RASAL2: variants seen among roughly 807,000 people sequenced by gnomAD.
RASAL2 encodes the protein RAS protein activator like 2, also known as ras GTPase-activating protein nGAP.
RASAL2 carries 58 observed loss-of-function variants against 128.9 expected under a neutral mutation model. The observed-to-expected ratio is 0.45, with a 90% CI of 0.36 to 0.56. The LOEUF (loss-of-function observed/expected upper bound fraction) is 0.56. Ranked by LOEUF, RASAL2 falls within the 20% of genes least tolerant of loss-of-function variation. RASAL2 has a pLI of 0.00. For missense variants in RASAL2, 1,360 were observed against 1,601.6 expected (o/e 0.85, Z 2.57); for synonymous variants, 561 against 580.8 (o/e 0.97, Z 0.49).
chr1:178,429,298 A>G (rs1675731836), intron 5 of RASAL2, among the ~76,000 whole-genome samples: 1 of 152,116 alleles, frequency 6.6e-6, no homozygotes, highest in South Asian at 2.1e-4. Flanking sequence ...ACCAACAGTT[A>G]GTTGGTCATT....
chr1:178,203,031 C>T (rs1662926508), intron 1 of RASAL2, among the ~76,000 whole-genome samples: 1 of 152,164 alleles, frequency 6.6e-6, no homozygotes, highest in East Asian at 1.9e-4. Flanking sequence ...GGGTGATCAG[C>T]CAGCTAGTTG....
chr1:178,147,359 G>A (rs1660766247), intron 1 of RASAL2, among the ~76,000 whole-genome samples: 1 of 151,686 alleles, frequency 6.6e-6, no homozygotes, highest in Non-Finnish European at 1.5e-5. Context: ...GCGTGGTAGT[G>A]TGTGCCTGTA....
chr1:178,413,914 G>A (rs1674578940), intron 4 of RASAL2, among the ~76,000 whole-genome samples: 1 of 152,038 alleles, frequency 6.6e-6, no homozygotes, highest in East Asian at 1.9e-4. Context: ...CACAATTGAG[G>A]AAAGAATTTC....
intron 1 of RASAL2, among the ~76,000 whole-genome samples, chr1:178,104,341 C>T (rs1056458310): frequency 6.6e-5 from 10 of 152,090 alleles, no homozygotes; most frequent in Non-Finnish European, 1.5e-4. Context: ...TGTTTATATT[C>T]ATGTGCCAGT....
intron 1 of RASAL2, among the ~76,000 whole-genome samples, chr1:178,127,762 A>G (rs1316338453): frequency 6.6e-6 from 1 of 152,092 alleles, no homozygotes; most frequent in Non-Finnish European, 1.5e-5. Flanking sequence ...ATGTGCTCCC[A>G]TAGCCTATAC....
chr1:178,443,440 C>G (rs1364470883), intron 8 of RASAL2, among the ~76,000 whole-genome samples: 2 of 152,088 alleles, frequency 1.3e-5, no homozygotes, highest in Non-Finnish European at 2.9e-5. Context: ...TATTTAAAGC[C>G]AATTTGCATG....
chr1:178,423,020 GA>G (rs1325002022), intron 5 of RASAL2, among the ~76,000 whole-genome samples: 4 of 151,906 alleles, frequency 2.6e-5, no homozygotes, highest in Non-Finnish European at 5.9e-5. Context: ...TACATAAAGG[GA>G]ACCCAAGTAT....
Position 178,404,445 on chromosome 1 carries a change from A to G in RASAL2, c.564+14239A>G, listed in dbSNP as rs536117377. ...CGCCAGGCTAGAGCGTAGTGGTGCC[A>G]TCTCTGCTCACTGCAACTTCTGCCT... On this transcript the variant is annotated intron_variant, in intron 4 of 17. Transcript: ENST00000367649. Among the ~76,000 whole-genome samples the G allele has an allele frequency of 5.2e-3, 797 of 152,044 alleles. 6 individuals are homozygous for G. The highest frequency in any genetic ancestry group is 7.9e-3 in the Non-Finnish European group (535 of 67,988).
At chr1:178,284,264 A>G (rs781403314) in intron 2 of RASAL2, among the ~76,000 whole-genome samples, 8 of 152,218 alleles carry the variant, frequency 5.3e-5, no homozygotes, top group Non-Finnish European at 1.0e-4. Flanking sequence ...TATGCACAAA[A>G]GAACACAGTC....
intron 3 of RASAL2, among the ~76,000 whole-genome samples, chr1:178,320,168 C>A (rs1466428128): frequency 2.6e-5 from 4 of 151,576 alleles, no homozygotes; most frequent in Non-Finnish European, 4.4e-5. Context: ...TCTCCAGCTG[C>A]GTGCTGGGAG....
chr1:178,396,179 A>G (rs1673215132), intron 4 of RASAL2, among the ~76,000 whole-genome samples: 1 of 152,154 alleles, frequency 6.6e-6, no homozygotes, highest in African/African-American at 2.4e-5. Flanking sequence ...AGCCCTCCTC[A>G]ATCTGTGGTA....
chr1:178,406,970 A>T (rs1399582288), intron 4 of RASAL2, among the ~76,000 whole-genome samples: 2 of 152,104 alleles, frequency 1.3e-5, no homozygotes. Context: ...TTTGCTTAAT[A>T]AAAAAATCAC....
Position 178,350,848 on chromosome 1 carries a change from A to G in RASAL2, c.458-39252A>G, listed in dbSNP as rs563331248. On this transcript the variant is annotated intron_variant, in intron 3 of 17. Transcript: ENST00000367649. ...GAATCTTACTCTGGTTGGATGTATT[A>G]GTTCATTCTTGCATTGCTACAAAGA... Among the ~76,000 whole-genome samples the G allele has an allele frequency of 1.7e-4, 26 of 152,262 alleles. 1 individual carries two copies. In the South Asian group the frequency reaches 5.4e-3, roughly 32 times the overall value.
At chr1:178,158,285 A>G (rs1387303662) in intron 1 of RASAL2, among the ~76,000 whole-genome samples, 1 of 152,250 alleles carries the variant, frequency 6.6e-6, no homozygotes, top group Non-Finnish European at 1.5e-5. Flanking sequence ...CTTGGGTTCA[A>G]AATCCCGTTC....
chr1:178,169,281 T>C (rs1025972705), intron 1 of RASAL2, among the ~76,000 whole-genome samples: 1 of 152,182 alleles, frequency 6.6e-6, no homozygotes, highest in African/African-American at 2.4e-5. Flanking sequence ...TGACAAGTTG[T>C]ATTCACATAA....
chr1:178,236,481 T>TA (rs1664246330), intron 1 of RASAL2, among the ~76,000 whole-genome samples: 1 of 152,198 alleles, frequency 6.6e-6, no homozygotes, highest in South Asian at 2.1e-4. Flanking sequence ...GTCAACCAAG[T>TA]GTTATTTTTT....
At chr1:178,305,707 T>G (rs1165734756) in intron 3 of RASAL2, among the ~76,000 whole-genome samples, 1 of 152,080 alleles carries the variant, frequency 6.6e-6, no homozygotes, top group Non-Finnish European at 1.5e-5. Context: ...AAGTCGAAAT[T>G]TGTTGGATAT....
At chr1:178,367,654 A>G (rs1356853426) in intron 3 of RASAL2, among the ~76,000 whole-genome samples, 1 of 152,194 alleles carries the variant, frequency 6.6e-6, no homozygotes, top group Non-Finnish European at 1.5e-5. Context: ...ATACTAAGTA[A>G]TTGAAGAAAG....
At chr1:178,346,874 A>G (rs983781815) in intron 3 of RASAL2, among the ~76,000 whole-genome samples, 1 of 152,234 alleles carries the variant, frequency 6.6e-6, no homozygotes, top group Non-Finnish European at 1.5e-5. Context: ...CAAGATCAAA[A>G]TGTACTAGGC....
Sources: allele counts gnomAD v4.1 joint callset (sites outside exome capture counted in the v4.1 genomes callset), GRCh38; gene constraint gnomAD v4.1.1; transcripts MANE v1.5; gene names NCBI Gene and HGNC (gene_info 2026-07-23, HGNC 2026-07-21).